Variants in ATP2B1 observed in about 807,000 individuals in gnomAD.
ATP2B1 encodes plasma membrane calcium-transporting ATPase 1.
In ATP2B1, 14 loss-of-function variants were observed where a neutral mutation model predicts 124.2. That is an observed-to-expected ratio of 0.11 (90% confidence interval 0.07 to 0.18). The LOEUF is 0.18. Ranked by LOEUF, ATP2B1 falls within the 10% of genes least tolerant of loss-of-function variation. The pLI is 1.00. For missense variants in ATP2B1, 763 were observed against 1,466.1 expected (o/e 0.52, Z 7.83); for synonymous variants, 449 against 492.4 (o/e 0.91, Z 1.17).
intron 3 of ATP2B1, among the ~76,000 whole-genome samples, chr12:89,637,414 T>C (rs900853289): frequency 1.5e-3 from 33 of 21,566 alleles, no homozygotes; most frequent in African/African-American, 3.7e-3. Flanking sequence ...CATTAAATTT[T>C]AATTTTTTCT....
chr12:89,613,682 G>A (rs1187861973), intron 12 of ATP2B1, among the ~76,000 whole-genome samples: 1 of 152,036 alleles, frequency 6.6e-6, no homozygotes, highest in Non-Finnish European at 1.5e-5. Context: ...ATCTGGACAG[G>A]GAAACAATGA....
intron 1 of ATP2B1, among the ~76,000 whole-genome samples, chr12:89,679,526 A>G (rs553419353): frequency 1.3e-5 from 2 of 152,188 alleles, no homozygotes; most frequent in Admixed American, 1.3e-4. Flanking sequence ...CTTTTCCCCC[A>G]AAAAGCACAA....
At chr12:89,607,176 T>C (rs938552618) in intron 15 of ATP2B1, among the ~76,000 whole-genome samples, 2 of 152,190 alleles carry the variant, frequency 1.3e-5, no homozygotes, top group South Asian at 2.1e-4. Flanking sequence ...CAAATGTTCA[T>C]CTACAGGATA....
rs556501526 is a variant in ATP2B1, at chr12:89,603,358, G to C, written c.2849-104C>G. 3.4e-5 allele frequency: 33 copies of C among 974,374 alleles called. No homozygotes were observed. The African/African-American group carries it at 4.6e-4, about 14-fold the overall frequency. 60.4% of individuals were successfully genotyped at this position (974,374 alleles called of 1,614,324 possible). A position where few individuals can be genotyped will look rare whatever the true frequency, so the allele number is the denominator to read the frequency against. On this transcript the variant is annotated intron_variant, in intron 17 of 20. Coordinates refer to ENST00000428670, the MANE Select transcript of ATP2B1 (RefSeq NM_001366521.1). The surrounding 1 kb of genome is among the most constrained non-coding windows in gnomAD (Gnocchi z 4.3). Reference sequence around the variant, plus strand: ...CTAGACCTTTTATTTGATCTGAAATGGCAGCATGGAAGGAGCTAGAGAAAC... The same window carrying C: ...CTAGACCTTTTATTTGATCTGAAATCGCAGCATGGAAGGAGCTAGAGAAAC...
intron 5 of ATP2B1, 58 bp downstream of exon 5, chr12:89,634,720 A>G (rs1378482529): frequency 6.9e-7 from 1 of 1,459,690 alleles, no homozygotes; most frequent in Non-Finnish European, 9.2e-7. Context: ...GTGTTTGCTG[A>G]CAATGGTACA....
At chr12:89,686,268 A>C (rs1028930274) in intron 1 of ATP2B1, among the ~76,000 whole-genome samples, 1 of 152,100 alleles carries the variant, frequency 6.6e-6, no homozygotes, top group Admixed American at 6.6e-5. Flanking sequence ...TATCCAGCTT[A>C]AGCTGTTAGA....
intron 1 of ATP2B1, among the ~76,000 whole-genome samples, chr12:89,686,267 T>C (rs1889961976): frequency 6.6e-6 from 1 of 152,106 alleles, no homozygotes; most frequent in Non-Finnish European, 1.5e-5. Context: ...ATATCCAGCT[T>C]AAGCTGTTAG....
intron 5 of ATP2B1, among the ~76,000 whole-genome samples, chr12:89,632,894 C>T (rs2136178397): frequency 6.6e-6 from 1 of 152,214 alleles, no homozygotes; most frequent in East Asian, 1.9e-4. Flanking sequence ...TAAAGCTTAC[C>T]AGTCATCTCT....
At chr12:89,609,409 T>C (rs1877572835) in intron 15 of ATP2B1, among the ~76,000 whole-genome samples, 2 of 152,104 alleles carry the variant, frequency 1.3e-5, no homozygotes, top group Admixed American at 1.3e-4. Context: ...AACCAGTATT[T>C]TCCAAAAATA....
intron 2 of ATP2B1, among the ~76,000 whole-genome samples, chr12:89,646,447 G>A (rs371049008): frequency 6.6e-6 from 1 of 152,138 alleles, no homozygotes; most frequent in Non-Finnish European, 1.5e-5. Context: ...AGGAGCCCAA[G>A]GCACCTAAGA....
chr12:89,634,514 T>C (rs974724912), intron 5 of ATP2B1, among the ~76,000 whole-genome samples: 3 of 152,208 alleles, frequency 2.0e-5, no homozygotes, highest in Non-Finnish European at 4.4e-5. Flanking sequence ...AGTTTTATCA[T>C]TACACTAGCA....
chr12:89,607,277 G>A (rs1374440927), intron 15 of ATP2B1, among the ~76,000 whole-genome samples: 5 of 152,118 alleles, frequency 3.3e-5, no homozygotes, highest in Non-Finnish European at 5.9e-5. Flanking sequence ...TTACAGCACC[G>A]CAACCTCTTC....
chr12:89,674,285 TAAAAAAGG>T (rs906227591), intron 1 of ATP2B1, among the ~76,000 whole-genome samples: 1 of 141,110 alleles, frequency 7.1e-6, no homozygotes, highest in African/African-American at 2.7e-5. Flanking sequence ...CATAGTTCAG[TAAAAAAGG>T]AAAAAAGTAG....
intron 1 of ATP2B1, among the ~76,000 whole-genome samples, chr12:89,665,778 C>A (rs1309871565): frequency 1.3e-5 from 2 of 152,192 alleles, no homozygotes; most frequent in African/African-American, 4.8e-5. Context: ...TCGGCCTACT[C>A]AGTTCTTAAG....
intron 1 of ATP2B1, among the ~76,000 whole-genome samples, chr12:89,699,247 T>C (rs1241727475): frequency 6.6e-6 from 1 of 152,212 alleles, no homozygotes; most frequent in Non-Finnish European, 1.5e-5. Flanking sequence ...TGTGGATTTA[T>C]GGCTTTTTTA....
At chr12:89,703,185 T>C (rs1892058760) in intron 1 of ATP2B1, among the ~76,000 whole-genome samples, 1 of 152,080 alleles carries the variant, frequency 6.6e-6, no homozygotes, top group Non-Finnish European at 1.5e-5. Context: ...CTGTTATAAA[T>C]GAAGCAAAAA....
At chr12:89,626,916 T>C (rs1880970911) in intron 7 of ATP2B1, among the ~76,000 whole-genome samples, 1 of 152,158 alleles carries the variant, frequency 6.6e-6, no homozygotes, top group Non-Finnish European at 1.5e-5. Context: ...TTAGGTAACA[T>C]CTAAACAACA....
intron 1 of ATP2B1, among the ~76,000 whole-genome samples, chr12:89,685,153 A>T (rs1194673676): frequency 6.6e-6 from 1 of 151,944 alleles, no homozygotes; most frequent in African/African-American, 2.4e-5. Context: ...CAAGAGTGGG[A>T]CATTTGACCA....
chr12:89,643,093 T>TACACACACAC (rs1883842700), intron 2 of ATP2B1, among the ~76,000 whole-genome samples: 1 of 110,016 alleles, frequency 9.1e-6, no homozygotes, highest in African/African-American at 2.9e-5. Context: ...CACACACACA[T>TACACACACAC]ATATACATAC....
Sources: allele counts gnomAD v4.1 joint callset (sites outside exome capture counted in the v4.1 genomes callset), GRCh38; gene constraint gnomAD v4.1.1; non-coding constraint Gnocchi (gnomAD v3.1); transcripts MANE v1.5; gene names NCBI Gene and HGNC (gene_info 2026-07-23, HGNC 2026-07-21).